CDH12: variants seen among roughly 807,000 people sequenced by gnomAD.
The protein encoded by CDH12 is cadherin 12.
Under a neutral mutation model 74.1 loss-of-function variants are expected in CDH12, and 41 were observed. The observed-to-expected ratio is 0.55, with a 90% CI of 0.43 to 0.72. CDH12 has a LOEUF of 0.72. Among genes scored for constraint, CDH12 ranks in the 30% least tolerant of loss-of-function variants. The pLI is 0.00. For synonymous variants in CDH12, 399 were observed against 355.0 expected, an observed-to-expected ratio of 1.12 and a Z score of -1.39; for missense variants, 945 against 977.2, an observed-to-expected ratio of 0.97 and a Z score of 0.44.
At chr5:22,733,287 T>A (rs1744523627) in intron 1 of CDH12, among the ~76,000 whole-genome samples, 1 of 151,916 alleles carries the variant, frequency 6.6e-6, no homozygotes, top group Admixed American at 6.6e-5. Context: ...AAAAATAAAA[T>A]GTGGTATGAC....
At chr5:22,399,465 A>G (rs1742618648) in intron 3 of CDH12, among the ~76,000 whole-genome samples, 1 of 152,190 alleles carries the variant, frequency 6.6e-6, no homozygotes, top group South Asian at 2.1e-4. Context: ...CTACATCTAT[A>G]TAAGTATCAT....
chr5:22,128,203 A>G (rs1745989423), intron 4 of CDH12, among the ~76,000 whole-genome samples: 1 of 152,118 alleles, frequency 6.6e-6, no homozygotes. Context: ...TCTTGACCAG[A>G]AATGATTTGC....
chr5:22,072,775 T>C (rs1291934155), intron 5 of CDH12, among the ~76,000 whole-genome samples: 1 of 151,916 alleles, frequency 6.6e-6, no homozygotes, highest in Non-Finnish European at 1.5e-5. Flanking sequence ...AGTGTTCTCA[T>C]TGTTCAATTC....
intron 3 of CDH12, among the ~76,000 whole-genome samples, chr5:22,329,685 T>C (rs1407533098): frequency 6.6e-6 from 1 of 152,180 alleles, no homozygotes; most frequent in Non-Finnish European, 1.5e-5. Flanking sequence ...CCCTGATACA[T>C]AGAGAATCTG....
At chr5:21,802,052 A>T in intron 10 of CDH12, 115 bp downstream of exon 10, 1 of 844,268 alleles carries the variant, frequency 1.2e-6, no homozygotes, top group Admixed American at 2.8e-5. Context: ...TTCAAGCATC[A>T]TATTCTATAA....
intron 1 of CDH12, among the ~76,000 whole-genome samples, chr5:22,668,642 C>G (rs1171335604): frequency 2.0e-5 from 3 of 152,110 alleles, no homozygotes; most frequent in Non-Finnish European, 4.4e-5. Context: ...CAGTCTCTCT[C>G]TTATGGTAAC....
At chr5:22,107,849 C>A (rs979839483) in intron 4 of CDH12, among the ~76,000 whole-genome samples, 1 of 151,998 alleles carries the variant, frequency 6.6e-6, no homozygotes, top group Admixed American at 6.6e-5. Flanking sequence ...ATAGAAGAGT[C>A]ACATATCTGT....
At chr5:22,585,811 C>T (rs1325122205) in intron 1 of CDH12, among the ~76,000 whole-genome samples, 17 of 151,900 alleles carry the variant, frequency 1.1e-4, no homozygotes, top group Non-Finnish European at 4.4e-5. Context: ...TTCAAAATTG[C>T]CCTTAGAATT....
intron 6 of CDH12, among the ~76,000 whole-genome samples, chr5:21,891,259 T>C (rs1752885557): frequency 6.6e-6 from 1 of 152,106 alleles, no homozygotes; most frequent in South Asian, 2.1e-4. Context: ...GGAGTTTTGA[T>C]ACTACATTCT....
At chr5:22,624,190 C>T (rs540859312) in intron 1 of CDH12, among the ~76,000 whole-genome samples, 4 of 152,128 alleles carry the variant, frequency 2.6e-5, no homozygotes, top group Non-Finnish European at 5.9e-5. Flanking sequence ...AAATGTTAGA[C>T]CTAAAACCAT....
At chr5:22,595,032 C>T (rs1045362566) in intron 1 of CDH12, among the ~76,000 whole-genome samples, 4 of 152,088 alleles carry the variant, frequency 2.6e-5, no homozygotes, top group Non-Finnish European at 4.4e-5. Flanking sequence ...GCTTTGTTCT[C>T]CCTAATTTTA....
chr5:22,275,344 A>G (rs965514756), intron 3 of CDH12, among the ~76,000 whole-genome samples: 2 of 152,184 alleles, frequency 1.3e-5, no homozygotes, highest in Non-Finnish European at 2.9e-5. Flanking sequence ...TTGAAAAAAA[A>G]AGAAAAATTT....
Position 22,078,475 on chromosome 5 carries a change from C to T in CDH12, c.202G>A (p.Val68Met), listed in dbSNP as rs4371716. The T allele has an allele frequency of 0.27, 440,585 of 1,613,098 alleles. 66,303 individuals carry two copies. The highest frequency in any genetic ancestry group is 0.63 in the African/African-American group (47,024 of 74,836). Reference sequence around the variant, plus strand: ...CCCACATACTGAGGCTCGGAGCCCACGTATTCTTCCAGCACAAAAAATTGA... The same window carrying T: ...CCCACATACTGAGGCTCGGAGCCCATGTATTCTTCCAGCACAAAAAATTGA... ...WNQFFVLEEY[V>M]GSEPQYVGKL... The change falls in exon 5 of 15, where the codon GTG becomes ATG. Residue 68 changes from valine to methionine, a missense_variant. By Grantham distance (21) the Val-to-Met change is conservative. Around this residue, in one of 3 missense-constraint regions of CDH12, gnomAD observed 148 missense variants for 162.8 expected, o/e 0.91. Transcript: ENST00000382254.
intron 9 of CDH12, among the ~76,000 whole-genome samples, chr5:21,813,943 G>A (rs1464425580): frequency 1.3e-5 from 2 of 152,146 alleles, no homozygotes; most frequent in African/African-American, 4.8e-5. Context: ...TCAGTTGAAT[G>A]GAAGCTGAGT....
chr5:22,424,483 CT>C (rs1486430857), intron 2 of CDH12, among the ~76,000 whole-genome samples: 4 of 152,152 alleles, frequency 2.6e-5, no homozygotes, highest in Non-Finnish European at 4.4e-5. Context: ...CCACAGAAAC[CT>C]ATGTAAGACC....
chr5:22,805,806 C>T (rs1748753276), intron 1 of CDH12, among the ~76,000 whole-genome samples: 1 of 152,118 alleles, frequency 6.6e-6, no homozygotes, highest in African/African-American at 2.4e-5. Context: ...TATCCCTCCC[C>T]TAGTCCCCCA....
intron 3 of CDH12, among the ~76,000 whole-genome samples, chr5:22,319,729 T>C (rs1045845135): frequency 6.6e-6 from 1 of 152,148 alleles, no homozygotes; most frequent in Non-Finnish European, 1.5e-5. Context: ...TACAGGGGTA[T>C]ATGAACTAGA....
chr5:22,495,458 T>A (rs926071791), intron 2 of CDH12, among the ~76,000 whole-genome samples: 5 of 152,192 alleles, frequency 3.3e-5, no homozygotes, highest in African/African-American at 1.2e-4. Context: ...TCTTTACACA[T>A]GATTTATTGT....
intron 8 of CDH12, among the ~76,000 whole-genome samples, chr5:21,821,660 C>A (rs1415416937): frequency 1.3e-5 from 2 of 151,782 alleles, no homozygotes; most frequent in Admixed American, 1.3e-4. Flanking sequence ...CAAATTATTT[C>A]AAATTGATGA....
Sources: allele counts gnomAD v4.1 joint callset (sites outside exome capture counted in the v4.1 genomes callset), GRCh38; gene constraint gnomAD v4.1.1; regional missense constraint gnomAD v4.1.1; transcripts MANE v1.5; gene names NCBI Gene and HGNC (gene_info 2026-07-23, HGNC 2026-07-21).